The following SGCZ variants were observed in gnomAD, a reference collection of about 807,000 sequenced individuals.
The protein encoded by SGCZ is sarcoglycan zeta, also known as zeta-sarcoglycan.
In SGCZ, 40 loss-of-function variants were observed where a neutral mutation model predicts 41.3. The observed-to-expected ratio is 0.97, with a 90% confidence interval of 0.75 to 1.26. The LOEUF is 1.26. SGCZ is among the 50% of genes most tolerant of loss of function. The probability of loss-of-function intolerance (pLI) is 0.00; values close to 1 mark genes in which losing one functional copy is unlikely to be tolerated. For synonymous variants in SGCZ, 206 were observed against 137.5 expected, an observed-to-expected ratio of 1.50 and a Z score of -3.49; for missense variants, 552 against 369.8, an observed-to-expected ratio of 1.49 and a Z score of -4.04.
At chr8:14,398,456 A>T (rs1360803974) in intron 2 of SGCZ, among the ~76,000 whole-genome samples, 1 of 152,114 alleles carries the variant, frequency 6.6e-6, no homozygotes, top group East Asian at 1.9e-4. Flanking sequence ...ATTTATTCAT[A>T]ACGTGGCCAG....
chr8:14,248,140 C>T (rs1303193195), intron 3 of SGCZ, among the ~76,000 whole-genome samples: 1 of 152,144 alleles, frequency 6.6e-6, no homozygotes, highest in Non-Finnish European at 1.5e-5. Context: ...TAGAATGGAA[C>T]TCCCCAGTGG....
chr8:14,883,006 T>C (rs1475843325), intron 1 of SGCZ, among the ~76,000 whole-genome samples: 3 of 152,174 alleles, frequency 2.0e-5, no homozygotes, highest in Admixed American at 6.5e-5. Context: ...TATGTATTTA[T>C]ACATAATTCT....
intron 3 of SGCZ, among the ~76,000 whole-genome samples, chr8:14,295,569 T>G (rs927367439): frequency 1.3e-5 from 2 of 152,136 alleles, no homozygotes; most frequent in African/African-American, 4.8e-5. Context: ...ATGGAGTAAG[T>G]AGTGCAGGAT....
intron 1 of SGCZ, among the ~76,000 whole-genome samples, chr8:15,100,492 T>C (rs981466736): frequency 2.6e-5 from 4 of 152,174 alleles, no homozygotes; most frequent in Non-Finnish European, 5.9e-5. Flanking sequence ...TGTTCATGAA[T>C]AGGAAGACTC....
intron 1 of SGCZ, among the ~76,000 whole-genome samples, chr8:15,027,532 A>G (rs1223737236): frequency 6.6e-6 from 1 of 152,102 alleles, no homozygotes; most frequent in Non-Finnish European, 1.5e-5. Context: ...TAGAATATTT[A>G]CAGATAAGTG....
Position 14,656,956 on chromosome 8 carries a change from G to A in SGCZ, c.40-102030C>T, listed in dbSNP as rs539451925. Among the ~76,000 whole-genome samples the A allele has an allele frequency of 4.6e-4, 69 of 151,592 alleles. 1 individual carries two copies. The highest frequency in any genetic ancestry group is 8.4e-4 in the Non-Finnish European group (57 of 67,896). On this transcript the variant is annotated intron_variant, in intron 1 of 7. Transcript: ENST00000382080. ...AACATAAAAATGAACTAAATCAATCGAAGAAGACATATAAACTCTATTATA... is the reference window on the plus strand; with the variant it reads ...AACATAAAAATGAACTAAATCAATCAAAGAAGACATATAAACTCTATTATA...
Position 14,237,613 on chromosome 8 carries a change from A to G in SGCZ, c.403T>C (p.Leu135=). ...TCACCTATGGTCAGCTGTCCGGTTA[A>G]CTGCCCCATGTGATTTCTTGCATTC... The part of the protein sequence containing the change: ...TVNARNHMGQ[L]TGQLTIGADA... Residue 135 remains leucine, a synonymous_variant, in exon 4 of 8, where the codon TTA becomes CTA. Transcript: ENST00000382080. 6.2e-7 allele frequency: 1 copy of G among 1,613,986 alleles called. No homozygotes were observed. The highest frequency in any genetic ancestry group is 1.1e-5 in the South Asian group (1 of 91,082).
chr8:14,945,319 T>C (rs149456188), intron 1 of SGCZ, among the ~76,000 whole-genome samples: 58 of 152,296 alleles, frequency 3.8e-4, no homozygotes, highest in African/African-American at 1.3e-3. Context: ...CCATAACCTT[T>C]GTCAAATAGT....
At chr8:14,836,868 A>C (rs1802718173) in intron 1 of SGCZ, among the ~76,000 whole-genome samples, 1 of 152,158 alleles carries the variant, frequency 6.6e-6, no homozygotes, top group Non-Finnish European at 1.5e-5. Flanking sequence ...TCTTATGGCT[A>C]CTACTTTCAT....
intron 1 of SGCZ, among the ~76,000 whole-genome samples, chr8:14,913,906 TTG>T (rs1330632546): frequency 6.6e-6 from 1 of 151,914 alleles, no homozygotes; most frequent in Non-Finnish European, 1.5e-5. Context: ...GCAAAACTAT[TTG>T]TCAGAGAAAT....
intron 2 of SGCZ, among the ~76,000 whole-genome samples, chr8:14,463,002 T>C (rs1467001067): frequency 6.6e-6 from 1 of 151,846 alleles, no homozygotes; most frequent in Non-Finnish European, 1.5e-5. Context: ...ATTTTTAATG[T>C]ATAAAATACA....
At chr8:14,163,135 T>C (rs1177404881) in intron 5 of SGCZ, among the ~76,000 whole-genome samples, 1 of 152,198 alleles carries the variant, frequency 6.6e-6, no homozygotes, top group Non-Finnish European at 1.5e-5. Context: ...AGTGCTGGGA[T>C]TATAGGCATG....
chr8:15,231,222 C>G (rs1016109087), intron 1 of SGCZ, among the ~76,000 whole-genome samples: 1 of 152,118 alleles, frequency 6.6e-6, no homozygotes, highest in African/African-American at 2.4e-5. Flanking sequence ...GCTTTTCTGG[C>G]TGGATGCTAA....
intron 3 of SGCZ, among the ~76,000 whole-genome samples, chr8:14,282,761 C>A (rs183671019): frequency 1.3e-5 from 2 of 151,818 alleles, no homozygotes; most frequent in African/African-American, 4.8e-5. Context: ...CCCCTTTCCC[C>A]ACCTATTAGC....
intron 2 of SGCZ, among the ~76,000 whole-genome samples, chr8:14,549,838 T>C (rs1378276419): frequency 6.6e-6 from 1 of 152,066 alleles, no homozygotes; most frequent in Non-Finnish European, 1.5e-5. Context: ...AAGATTATTA[T>C]GAGAAAGATA....
At chr8:14,235,866 G>C (rs1490573824) in intron 4 of SGCZ, among the ~76,000 whole-genome samples, 2 of 152,090 alleles carry the variant, frequency 1.3e-5, no homozygotes, top group African/African-American at 2.4e-5. Context: ...TGTATTTTTA[G>C]TAGAGATGGG....
chr8:14,722,935 A>G (rs957656132), intron 1 of SGCZ, among the ~76,000 whole-genome samples: 2 of 152,196 alleles, frequency 1.3e-5, no homozygotes, highest in Non-Finnish European at 2.9e-5. Flanking sequence ...TTAATCTCCG[A>G]AAAAATCTAA....
At chr8:14,841,267 C>A (rs1490904516) in intron 1 of SGCZ, among the ~76,000 whole-genome samples, 3 of 152,118 alleles carry the variant, frequency 2.0e-5, no homozygotes, top group African/African-American at 7.2e-5. Flanking sequence ...TCCTTCTCTT[C>A]TGCTGCATCT....
chr8:14,465,061 C>G (rs1318433110), intron 2 of SGCZ, among the ~76,000 whole-genome samples: 1 of 151,644 alleles, frequency 6.6e-6, no homozygotes, highest in Non-Finnish European at 1.5e-5. Context: ...TGCTTTTGTT[C>G]AGTAGAGTGT....
Sources: gnomAD v4.1 joint callset for allele counts (sites outside exome capture counted in the v4.1 genomes callset) on GRCh38, gnomAD v4.1.1 for gene constraint, MANE v1.5 for transcripts, NCBI Gene and HGNC (gene_info 2026-07-23, HGNC 2026-07-21) for gene names.